Variants in OR11A1 observed in about 807,000 individuals in gnomAD.
OR11A1 encodes olfactory receptor 11A1.
For missense variants in OR11A1, 380 were observed against 378.2 expected (o/e 1.00, Z -0.04); for synonymous variants, 158 against 152.2 (o/e 1.04, Z -0.28).
intron 1 of OR11A1, among the ~76,000 whole-genome samples, chr6:29,456,715 C>T (rs1304310239): frequency 6.6e-6 from 1 of 152,164 alleles, no homozygotes; most frequent in Non-Finnish European, 1.5e-5. Flanking sequence ...CCACCCCACA[C>T]TGTTTCTCTA....
At chr6:29,440,187 A>C (rs756498654) in intron 1 of OR11A1, 3 of 1,613,574 alleles carry the variant, frequency 1.9e-6, no homozygotes, top group Non-Finnish European at 2.5e-6. Context: ...CCAGTCCCCT[A>C]TGTACTTCTT....
At position 29,427,415 on chromosome 6, in the gene OR11A1, G is replaced by C. The variant is rs746875833; in HGVS notation, c.227C>G (p.Thr76Ser). 6.2e-6 allele frequency: 10 copies of C among 1,613,034 alleles called. No individual in the cohort carries two copies. The highest frequency in any genetic ancestry group is 7.6e-6 in the Non-Finnish European group (9 of 1,180,042). The change falls in exon 5 of 5, where the codon ACC (threonine) becomes AGC (serine). Residue 76 changes from threonine to serine, a missense_variant. By Grantham distance (58) the Thr-to-Ser change is moderately conservative. Coordinates refer to ENST00000377149, the MANE Select transcript of OR11A1 (RefSeq NM_001394828.1). Reference sequence around the variant, plus strand: ...CAGCATTTTTGGCATCACTGCGGAGGTGTAGAGAATATCCAGGAAGGACAG... The same window carrying C: ...CAGCATTTTTGGCATCACTGCGGAGCTGTAGAGAATATCCAGGAAGGACAG... ...ANLSFLDILY[T>S]SAVMPKMLEG...
chr6:29,436,671 A>G (rs1783649046), intron 1 of OR11A1, among the ~76,000 whole-genome samples: 1 of 152,234 alleles, frequency 6.6e-6, no homozygotes, highest in Non-Finnish European at 1.5e-5. Flanking sequence ...GCAGTGAATA[A>G]TAAGAATCAG....
chr6:29,449,690 T>C (rs898275696), intron 1 of OR11A1, among the ~76,000 whole-genome samples: 1 of 152,042 alleles, frequency 6.6e-6, no homozygotes, highest in African/African-American at 2.4e-5. Flanking sequence ...AGGCTGGAGT[T>C]CAGTGGCATG....
intron 1 of OR11A1, among the ~76,000 whole-genome samples, chr6:29,439,144 A>C (rs376142038): frequency 2.0e-4 from 30 of 152,206 alleles, no homozygotes; most frequent in Non-Finnish European, 4.4e-4. Flanking sequence ...CATGATTTGC[A>C]ACTTTAGATA....
chr6:29,436,550 C>CA lies in OR11A1; in HGVS notation c.-388-4564dup, dbSNP rs1219098667. ...ATAAGGTTATTTATTGATCAGGTGA[C>CA]AAAAATGTGACCAAAAACTCATAGG... is the stretch of plus-strand genomic sequence containing the variant. On this transcript the variant is annotated intron_variant, in intron 1 of 4. Transcript: ENST00000377149. Among the ~76,000 whole-genome samples the CA allele has an allele frequency of 3.9e-5, 6 of 152,208 alleles. No homozygotes were observed. In the East Asian group the frequency reaches 1.2e-3, roughly 29 times the overall value.
chr6:29,432,237 G>T (rs972226403), intron 1 of OR11A1, among the ~76,000 whole-genome samples: 1 of 152,128 alleles, frequency 6.6e-6, no homozygotes, highest in African/African-American at 2.4e-5. Context: ...TAAGGAAATT[G>T]TATTTTTTCA....
chr6:29,443,224 T>C (rs1582585444), intron 1 of OR11A1, among the ~76,000 whole-genome samples: 3 of 152,258 alleles, frequency 2.0e-5, no homozygotes, highest in Admixed American at 2.0e-4. Flanking sequence ...AATCACGAAA[T>C]GAACATATCC....
intron 1 of OR11A1, chr6:29,440,728 C>T: frequency 2.5e-6 from 4 of 1,613,924 alleles, no homozygotes; most frequent in Non-Finnish European, 3.4e-6. Context: ...AAGGCCTTCT[C>T]CACCTGCTCC....
intron 1 of OR11A1, among the ~76,000 whole-genome samples, chr6:29,447,039 C>T (rs1784845082): frequency 6.6e-6 from 1 of 152,194 alleles, no homozygotes. Context: ...AATATTTTAC[C>T]TAATAACTGG....
At chr6:29,431,734 CTT>C (rs1783241949) in intron 2 of OR11A1, 128 bp downstream of exon 2, 2 of 349,530 alleles carry the variant, frequency 5.7e-6, no homozygotes, top group African/African-American at 4.5e-5. Context: ...TAATAAAAGA[CTT>C]TTTGACTCTC....
chr6:29,441,089 A>G (rs1784152384), intron 1 of OR11A1: 9 of 622,636 alleles, frequency 1.4e-5, no homozygotes, highest in Non-Finnish European at 2.5e-5. Context: ...TATCTTTGAA[A>G]AGCTACCGTA....
At chr6:29,429,392 G>T (rs1783092621) in intron 3 of OR11A1, among the ~76,000 whole-genome samples, 2 of 152,142 alleles carry the variant, frequency 1.3e-5, no homozygotes, top group South Asian at 4.2e-4. Context: ...TCCCAATCAT[G>T]TACTAAGGAT....
At chr6:29,428,875 A>G (rs1582536446) in intron 4 of OR11A1, 38 bp downstream of exon 4, 3 of 832,466 alleles carry the variant, frequency 3.6e-6, no homozygotes, top group Middle Eastern at 6.3e-4. Flanking sequence ...GTAATTGAGC[A>G]TGACACTTCT....
intron 1 of OR11A1, chr6:29,440,461 C>T (rs1784046175): frequency 3.7e-6 from 6 of 1,613,938 alleles, no homozygotes; most frequent in Non-Finnish European, 5.1e-6. Context: ...TCGGCGTGGG[C>T]CTGTGGGGTG....
intron 1 of OR11A1, chr6:29,439,940 G>T: frequency 9.1e-7 from 1 of 1,102,240 alleles, no homozygotes; most frequent in Non-Finnish European, 1.3e-6. Flanking sequence ...GGTCATCTTT[G>T]CCCATTTCAC....
At chr6:29,428,310 G>A in intron 4 of OR11A1, 1 of 985,440 alleles carries the variant, frequency 1.0e-6, no homozygotes, top group South Asian at 4.7e-5. Context: ...GTGAAAATGT[G>A]GTAAATGGTA....
intron 1 of OR11A1, among the ~76,000 whole-genome samples, chr6:29,444,038 A>G (rs1247475083): frequency 1.3e-5 from 2 of 151,824 alleles, no homozygotes; most frequent in African/African-American, 2.4e-5. Context: ...GTTTGGCTCT[A>G]TGTCCCCACC....
chr6:29,440,286 A>C, intron 1 of OR11A1: 2 of 1,613,864 alleles, frequency 1.2e-6, no homozygotes, highest in Non-Finnish European at 1.7e-6. Context: ...CCGGCGCCAC[A>C]TCTCTCGCTC....
Sources: gnomAD v4.1 joint callset for allele counts (sites outside exome capture counted in the v4.1 genomes callset) on GRCh38, gnomAD v4.1.1 for gene constraint, MANE v1.5 for transcripts, NCBI Gene and HGNC (gene_info 2026-07-23, HGNC 2026-07-21) for gene names.